TSTD2: variants seen among roughly 807,000 people sequenced by gnomAD.
TSTD2 encodes thiosulfate sulfurtransferase like domain containing 2, also known as thiosulfate sulfurtransferase/rhodanese-like domain-containing protein 2.
In TSTD2, 37 loss-of-function variants were observed where a neutral mutation model predicts 47.9. That is an observed-to-expected ratio of 0.77 (90% CI 0.59 to 1.02). TSTD2 has a LOEUF of 1.02. TSTD2 is among the 50% of genes least tolerant of loss of function. The pLI, the probability that TSTD2 is intolerant of heterozygous loss-of-function variation, is 0.00. For synonymous variants in TSTD2, 201 were observed against 215.9 expected (o/e 0.93, Z 0.61); for missense variants, 586 against 616.0 (o/e 0.95, Z 0.52).
chr9:97,601,275 G>A lies in TSTD2; in HGVS notation c.*1194C>T. The A allele has an allele frequency of 8.3e-7, 1 of 1,197,740 alleles. No homozygotes were observed. Among genetic ancestry groups the A allele is most frequent in the Non-Finnish European group, 1.1e-6 (1 of 935,712 alleles). The allele number at this position is 1,197,740 out of a possible 1,614,324, so 74.2% of individuals were successfully genotyped here. On this transcript the variant is annotated 3_prime_UTR_variant, in exon 10 of 10. Transcript: ENST00000341170. ...ATGCATGGCTGCGTATGTGTTTCTT[G>A]GAACCTGTGTGACAGGGACATGTGC...
chr9:97,630,934 A>C (rs769950603), intron 1 of TSTD2, among the ~76,000 whole-genome samples: 1 of 152,174 alleles, frequency 6.6e-6, no homozygotes, highest in African/African-American at 2.4e-5. Flanking sequence ...CTGTGTGTGA[A>C]TTTTACACTG....
chr9:97,632,328 A>C (rs770090723), intron 1 of TSTD2, among the ~76,000 whole-genome samples: 1 of 152,142 alleles, frequency 6.6e-6, no homozygotes, highest in Non-Finnish European at 1.5e-5. Flanking sequence ...AGTGAGGAGA[A>C]GTAGAACCCC....
At chr9:97,620,160 T>C (rs370313906) in intron 3 of TSTD2, among the ~76,000 whole-genome samples, 26 of 152,134 alleles carry the variant, frequency 1.7e-4, no homozygotes, top group Non-Finnish European at 3.2e-4. Context: ...AATTGAATCA[T>C]GGGGGTAGGT....
rs1212669721 is a variant in TSTD2 at position 97,610,416 on chromosome 9, C to T, written c.765G>A (p.Leu255=). The T allele has an allele frequency of 1.9e-6, 3 of 1,589,012 alleles. No homozygotes were observed. In the African/African-American group the frequency reaches 4.1e-5, roughly 22 times the overall value. The change falls in exon 6 of 10, where the codon TTG becomes TTA. Residue 255 remains leucine, a synonymous_variant. Transcript: ENST00000341170. ...SKGGAHCFPE[L]RVGVFEEIVP... ...CGATTTCTTCAAATACACCAACACGCAATTCTGGAAAACAGTGAGCTCCTC... is the reference window on the plus strand; with the variant it reads ...CGATTTCTTCAAATACACCAACACGTAATTCTGGAAAACAGTGAGCTCCTC...
chr9:97,607,881 C>T (rs558645202), intron 6 of TSTD2, among the ~76,000 whole-genome samples: 2 of 151,656 alleles, frequency 1.3e-5, no homozygotes, highest in East Asian at 3.9e-4. Flanking sequence ...AGTGAGACTC[C>T]GTCTCAAAAA....
chr9:97,601,217 A>C lies in TSTD2; in HGVS notation c.*1252T>G. 7.8e-7 allele frequency: 1 copy of C among 1,282,884 alleles called. No individual in the cohort carries two copies. The highest frequency in any genetic ancestry group is 1.0e-6 in the Non-Finnish European group (1 of 977,106). The allele number at this position is 1,282,884 out of a possible 1,614,324, so 79.5% of individuals were successfully genotyped here. On this transcript the variant is annotated 3_prime_UTR_variant, in exon 10 of 10. Transcript: ENST00000341170. Reference sequence around the variant, plus strand: ...ATTGCAGCTGCATTCTGCATCGCTGAAAACTGCAATATAATATTAAATCTG... The same window carrying C: ...ATTGCAGCTGCATTCTGCATCGCTGCAAACTGCAATATAATATTAAATCTG...
chr9:97,602,748 G>C lies in TSTD2; in HGVS notation c.1272C>G (p.Ala424=), dbSNP rs1297411783. 1 of 1,612,756 alleles carries C rather than the reference G, an allele frequency of 6.2e-7. No individual in the cohort carries two copies. The highest frequency in any genetic ancestry group is 1.3e-5 in the African/African-American group (1 of 74,848). ...DVVSECSYCG[A]RWDQYKLCST... ...AGCAGAGTTTATACTGGTCCCAGCG[G>C]GCTCCACAGTATGAACACTCTGGGG... Residue 424 remains alanine, a synonymous_variant, in exon 10 of 10, where the codon GCC becomes GCG. Transcript: ENST00000341170.
intron 9 of TSTD2, among the ~76,000 whole-genome samples, chr9:97,603,662 G>A (rs886282592): frequency 4.6e-5 from 7 of 152,122 alleles, no homozygotes; most frequent in Non-Finnish European, 8.8e-5. Flanking sequence ...TGTGTGCTAC[G>A]GATTTACTTG....
chr9:97,621,630 G>A (rs1399648720), intron 3 of TSTD2, among the ~76,000 whole-genome samples: 1 of 152,182 alleles, frequency 6.6e-6, no homozygotes, highest in Non-Finnish European at 1.5e-5. Flanking sequence ...GGTTGAAGAT[G>A]AGGGATGAAA....
At chr9:97,617,935 A>C (rs1234285648) in intron 3 of TSTD2, 58 bp from the exon 4 acceptor site, 1 of 1,574,904 alleles carries the variant, frequency 6.3e-7, no homozygotes, top group African/African-American at 1.4e-5. Context: ...AAGAAGTCAC[A>C]ATTCATAAAA....
At position 97,624,927 on chromosome 9, in the gene TSTD2, C is replaced by T. The variant is rs186927498; in HGVS notation, c.482+754G>A. ...ATGATATCTAGCTTAAAAGAAACCC[C>T]CCCTTTTTTTTGCTTAGTTTTTCCT... On this transcript the variant is annotated intron_variant, in intron 3 of 9. Transcript: ENST00000341170. Among the ~76,000 whole-genome samples the T allele has an allele frequency of 3.3e-5, 5 of 152,090 alleles. No homozygotes were observed. In the East Asian group the frequency reaches 9.6e-4, roughly 29 times the overall value.
chr9:97,609,258 G>C (rs1015549008), intron 6 of TSTD2, among the ~76,000 whole-genome samples: 12 of 152,042 alleles, frequency 7.9e-5, no homozygotes, highest in Non-Finnish European at 1.3e-4. Context: ...ATGGCTACTA[G>C]AAAATGTAAA....
At chr9:97,619,876 A>G (rs572110106) in intron 3 of TSTD2, among the ~76,000 whole-genome samples, 11 of 152,204 alleles carry the variant, frequency 7.2e-5, no homozygotes, top group Non-Finnish European at 1.2e-4. Context: ...CTGTATTTCT[A>G]TTTACCAAAT....
At chr9:97,616,508 GT>G (rs1169655352) in intron 4 of TSTD2, among the ~76,000 whole-genome samples, 2 of 152,322 alleles carry the variant, frequency 1.3e-5, no homozygotes, top group African/African-American at 4.8e-5. Flanking sequence ...GTAAGAGAGG[GT>G]GGTGGTTTGG....
chr9:97,604,919 A>T (rs1826340224), intron 8 of TSTD2, 54 bp from the exon 9 acceptor site: 1 of 1,600,908 alleles, frequency 6.2e-7, no homozygotes, highest in Admixed American at 1.7e-5. Context: ...ACCTGTTAAG[A>T]TGCTCACGGA....
In TSTD2 at chr9:97,601,518, C is replaced by CA; in HGVS notation, c.*950dup. On this transcript the variant is annotated 3_prime_UTR_variant, in exon 10 of 10. Coordinates refer to ENST00000341170, the MANE Select transcript of TSTD2 (RefSeq NM_139246.5). ...ATCTCTCATAGAAACGAAACCAAAC[C>CA]AACAGAAAATGAAGAAGGCCACATC... The CA allele has an allele frequency of 1.0e-6, 1 of 988,974 alleles. No individual in the cohort carries two copies. The highest frequency in any genetic ancestry group is 1.2e-6 in the Non-Finnish European group (1 of 832,088). The allele number at this position is 988,974 out of a possible 1,614,324, so 61.3% of individuals were successfully genotyped here.
chr9:97,611,742 C>T (rs1261350424), intron 4 of TSTD2, 43 bp from the exon 5 acceptor site: 1 of 1,573,388 alleles, frequency 6.4e-7, no homozygotes, highest in South Asian at 1.1e-5. Flanking sequence ...TTGTTCTTAG[C>T]TTGGTTATCT....
Position 97,601,413 on chromosome 9 carries a change from C to T in TSTD2, c.*1056G>A, listed in dbSNP as rs751095951. 2.7e-5 allele frequency: 28 copies of T among 1,035,510 alleles called. No individual in the cohort carries two copies. The highest frequency in any genetic ancestry group is 3.0e-5 in the Non-Finnish European group (26 of 858,834). 64.1% of individuals were successfully genotyped at this position (1,035,510 alleles called of 1,614,324 possible). A position where few individuals can be genotyped will look rare whatever the true frequency, so the allele number is the denominator to read the frequency against. Reference sequence around the variant, plus strand: ...CTAAAAACTGTGGCTCAAATGTCACCGAGCTTATATGAAGCTCCCAGAGAG... The same window carrying T: ...CTAAAAACTGTGGCTCAAATGTCACTGAGCTTATATGAAGCTCCCAGAGAG... On this transcript the variant is annotated 3_prime_UTR_variant, in exon 10 of 10. Transcript: ENST00000341170.
At position 97,600,086 on chromosome 9, in the gene TSTD2, TG is replaced by T; in HGVS notation, c.*2382del. Reference sequence around the variant, plus strand: ...AACGGCACACTCTTCCACATGCTTTTGAAGTATTATAAAACACTTTATTACA... The same window carrying T: ...AACGGCACACTCTTCCACATGCTTTTAAGTATTATAAAACACTTTATTACA... On this transcript the variant is annotated 3_prime_UTR_variant, in exon 10 of 10. Transcript: ENST00000341170. The T allele has an allele frequency of 3.9e-6, 4 of 1,026,218 alleles. No individual in the cohort carries two copies. The highest frequency in any genetic ancestry group is 4.7e-6 in the Non-Finnish European group (4 of 852,188). The allele number at this position is 1,026,218 out of a possible 1,614,324, so 63.6% of individuals were successfully genotyped here.
Sources: allele counts gnomAD v4.1 joint callset (sites outside exome capture counted in the v4.1 genomes callset), GRCh38; gene constraint gnomAD v4.1.1; transcripts MANE v1.5; gene names NCBI Gene and HGNC (gene_info 2026-07-23, HGNC 2026-07-21).